The following CIT variants were observed in gnomAD, a reference collection of about 807,000 sequenced individuals.
CIT encodes the protein citron Rho-interacting kinase.
In CIT, 79 loss-of-function variants were observed where a neutral mutation model predicts 272.7. The observed-to-expected ratio is 0.29, with a 90% confidence interval of 0.24 to 0.35. CIT has a LOEUF of 0.35. Among genes scored for constraint, CIT ranks in the 10% least tolerant of loss-of-function variants. CIT has a pLI of 1.00. For synonymous variants in CIT, 948 were observed against 995.6 expected (o/e 0.95, Z 0.90); for missense variants, 1,909 against 2,618.3 (o/e 0.73, Z 5.91).
At chr12:119,862,977 G>A (rs958043321) in intron 3 of CIT, among the ~76,000 whole-genome samples, 11 of 148,820 alleles carry the variant, frequency 7.4e-5, no homozygotes, top group South Asian at 4.3e-4. Flanking sequence ...AGACGAGGCC[G>A]GCGGATCACA....
Position 119,742,288 on chromosome 12 carries a change from A to G in CIT, c.2958+123T>C, listed in dbSNP as rs534815698. 22 of 650,038 alleles carry G rather than the reference A, an allele frequency of 3.4e-5. No homozygotes were observed. In the East Asian group the frequency reaches 6.4e-4, roughly 19 times the overall value. The allele number at this position is 650,038 out of a possible 1,614,324, so 40.3% of individuals were successfully genotyped here. A position where few individuals can be genotyped will look rare whatever the true frequency, so the allele number is the denominator to read the frequency against. On this transcript the variant is annotated intron_variant, in intron 24 of 47. Coordinates refer to ENST00000392521, the MANE Select transcript of CIT (RefSeq NM_001206999.2). ...AACTCCAAATAAGGTTGATTGCATTATCTTCTTCAAGCTGCAAGTTCGTAT... is the reference window on the plus strand; with the variant it reads ...AACTCCAAATAAGGTTGATTGCATTGTCTTCTTCAAGCTGCAAGTTCGTAT...
At chr12:119,717,122 G>A (rs928360768) in intron 32 of CIT, among the ~76,000 whole-genome samples, 43 of 152,112 alleles carry the variant, frequency 2.8e-4, no homozygotes, top group South Asian at 1.0e-3. Flanking sequence ...GCTTTATCTT[G>A]GCTCACTGCA....
intron 6 of CIT, among the ~76,000 whole-genome samples, chr12:119,833,345 T>TGAA (rs1174925685): frequency 6.6e-6 from 1 of 152,074 alleles, no homozygotes; most frequent in African/African-American, 2.4e-5. Context: ...ATCAGATGAA[T>TGAA]GAAGACATGA....
At chr12:119,815,408 T>C (rs1224220190) in intron 9 of CIT, among the ~76,000 whole-genome samples, 1 of 151,966 alleles carries the variant, frequency 6.6e-6, no homozygotes, top group African/African-American at 2.4e-5. Context: ...AACCTGCCAA[T>C]AAAAATTACT....
At chr12:119,704,242 C>T in intron 41 of CIT, 121 bp downstream of exon 41, 1 of 885,528 alleles carries the variant, frequency 1.1e-6, no homozygotes, top group East Asian at 2.6e-5. Context: ...GGCTAAAGGC[C>T]CGCAGGGTAG....
At chr12:119,700,613 C>T in intron 44 of CIT, 132 bp downstream of exon 44, 2 of 752,744 alleles carry the variant, frequency 2.7e-6, no homozygotes, top group Non-Finnish European at 4.8e-6. Context: ...AAACTCCTGA[C>T]CTCATGATCC....
intron 10 of CIT, among the ~76,000 whole-genome samples, chr12:119,800,722 G>A (rs1966119615): frequency 6.6e-6 from 1 of 152,230 alleles, no homozygotes; most frequent in African/African-American, 2.4e-5. Context: ...AACTCAGGAA[G>A]AAACACAGGG....
In CIT at chr12:119,730,737, C is replaced by T. The variant is rs1958391524; in HGVS notation, c.3351-107G>A. On this transcript the variant is annotated intron_variant, in intron 26 of 47. Transcript: ENST00000392521. The stretch of plus-strand genomic sequence containing the variant: ...GACGAGCAACTAAACAGGCTGCAGG[C>T]CAGAAAGATGCCCAACCTTGACTCT... 5.8e-6 allele frequency: 7 copies of T among 1,202,466 alleles called. No homozygotes were observed. The East Asian group carries it at 1.8e-4, about 30-fold the overall frequency. The allele number at this position is 1,202,466 out of a possible 1,614,324, so 74.5% of individuals were successfully genotyped here.
chr12:119,720,798 C>CA (rs1957783098), intron 29 of CIT, among the ~76,000 whole-genome samples: 1 of 152,052 alleles, frequency 6.6e-6, no homozygotes, highest in Non-Finnish European at 1.5e-5. Flanking sequence ...GTAAAAATAG[C>CA]AACAGGTTCC....
chr12:119,735,392 C>T lies in CIT; in HGVS notation c.2959-35G>A. 4 of 1,598,344 alleles carry T rather than the reference C, an allele frequency of 2.5e-6. No individual in the cohort carries two copies. In the South Asian group the frequency reaches 3.3e-5, roughly 13 times the overall value. ...GAAAGGAATCCAGTTACACGCCAAG[C>T]ACATTCATTTCAAATAAGAAATTGC... On this transcript the variant is annotated intron_variant, in intron 24 of 47. Transcript: ENST00000392521.
chr12:119,874,532 AC>A (rs1211577279), intron 2 of CIT, among the ~76,000 whole-genome samples: 1 of 152,202 alleles, frequency 6.6e-6, no homozygotes, highest in African/African-American at 2.4e-5. Context: ...TGTTCCACAT[AC>A]ATCAGAAACA....
chr12:119,843,038 T>C (rs533599033), intron 5 of CIT, among the ~76,000 whole-genome samples: 31 of 152,090 alleles, frequency 2.0e-4, no homozygotes, highest in South Asian at 4.2e-4. Flanking sequence ...ATTCCAGAAG[T>C]ATAGGGTCTA....
rs1214001343 is a variant in CIT, at chr12:119,770,859, G to A, written c.2134C>T (p.Arg712Cys). 7.4e-6 allele frequency: 12 copies of A among 1,612,746 alleles called. No homozygotes were observed. The highest frequency in any genetic ancestry group is 1.1e-5 in the South Asian group (1 of 91,074). The change falls in exon 18 of 48, where the codon CGT becomes TGT. Residue 712 changes from arginine (R) to cysteine (C), a missense_variant. Physicochemically the swap from Arg to Cys is radical, Grantham distance 180. This residue lies in a region of CIT where 530 missense variants were observed against 822.4 expected (regional missense o/e 0.64). Transcript: ENST00000392521. This position sits in a 1 kb window ranked among gnomAD's most constrained non-coding sequence, Gnocchi z 4.4. ...NKVKRLETME[R>C]RENRLKDDIQ... is the part of the protein sequence containing the mutation. ...TCATCCTTCAGTCTGTTTTCTCTACGCTCCATGGTCTCTAGTCTCTTTACC... is the reference window on the plus strand; with the variant it reads ...TCATCCTTCAGTCTGTTTTCTCTACACTCCATGGTCTCTAGTCTCTTTACC...
In CIT at chr12:119,784,210, C is replaced by A. The variant is rs555848002; in HGVS notation, c.1402-159G>T. On this transcript the variant is annotated intron_variant, in intron 11 of 47. Transcript: ENST00000392521. The surrounding 1 kb of genome is among the most constrained non-coding windows in gnomAD (Gnocchi z 4.7). ...ATACCATTGTTTCTTCGCCCAGGAG[C>A]GCACAGTTCTTCGTTAAGGACAGTC... The A allele has an allele frequency of 1.9e-6, 3 of 1,603,056 alleles. No homozygotes were observed. The African/African-American group carries it at 4.0e-5, about 21-fold the overall frequency.
intron 8 of CIT, 97 bp from the exon 9 acceptor site, chr12:119,823,070 T>C (rs1967860997): frequency 2.3e-6 from 3 of 1,290,250 alleles, no homozygotes; most frequent in South Asian, 3.1e-5. Flanking sequence ...GCAAGTTTCT[T>C]TTTTTTTGTT....
rs368158394 is a variant in CIT at position 119,795,280 on chromosome 12, G to A, written c.1295+7926C>T. Among the ~76,000 whole-genome samples the A allele has an allele frequency of 6.6e-5, 10 of 152,240 alleles. No homozygotes were observed. The South Asian group carries it at 1.5e-3, about 22-fold the overall frequency. ...CAGGCACCTGTAATCCCAGCTACAC[G>A]GGAGGCTGAGGCACAAGAATCGCTT... On this transcript the variant is annotated intron_variant, in intron 10 of 47. Coordinates refer to ENST00000392521, the MANE Select transcript of CIT (RefSeq NM_001206999.2).
chr12:119,805,102 G>A (rs1966513269), intron 9 of CIT, among the ~76,000 whole-genome samples: 1 of 151,896 alleles, frequency 6.6e-6, no homozygotes, highest in Non-Finnish European at 1.5e-5. Flanking sequence ...AATGGAAATT[G>A]TATTTCATAA....
rs1955681588 is a variant in CIT, at chr12:119,688,167, G to A, written c.*65C>T. 2 of 1,560,866 alleles carry A rather than the reference G, an allele frequency of 1.3e-6. No individual in the cohort carries two copies. The highest frequency in any genetic ancestry group is 1.8e-6 in the Non-Finnish European group (2 of 1,131,484). ...GGGCGCTTGGGTCCCCATCAGCAGA[G>A]TTCCATAGTGTGTTTGGTGTTTTCC... On this transcript the variant is annotated 3_prime_UTR_variant, in exon 48 of 48. Transcript: ENST00000392521.
At chr12:119,847,184 C>G (rs948761008) in intron 5 of CIT, among the ~76,000 whole-genome samples, 2 of 152,096 alleles carry the variant, frequency 1.3e-5, no homozygotes, top group African/African-American at 4.8e-5. Context: ...CGAGGTTTCA[C>G]CATGTTAGCC....
Sources: allele counts gnomAD v4.1 joint callset (sites outside exome capture counted in the v4.1 genomes callset), GRCh38; gene constraint gnomAD v4.1.1; regional missense constraint gnomAD v4.1.1; non-coding constraint Gnocchi (gnomAD v3.1); transcripts MANE v1.5; gene names NCBI Gene and HGNC (gene_info 2026-07-23, HGNC 2026-07-21).